GRIK4: variants seen among roughly 807,000 people sequenced by gnomAD.
The protein encoded by GRIK4 is glutamate receptor ionotropic, kainate 4.
A neutral mutation model predicts 104.9 loss-of-function variants in GRIK4; 40 were observed. The observed-to-expected ratio is 0.38, with a 90% CI of 0.30 to 0.50. The LOEUF (loss-of-function observed/expected upper bound fraction) is 0.50. Among genes scored for constraint, GRIK4 ranks in the 20% least tolerant of loss-of-function variants. The probability of loss-of-function intolerance (pLI) is 0.93; values close to 1 mark genes in which losing one functional copy is unlikely to be tolerated. For missense variants in GRIK4, 1,047 were observed against 1,308.1 expected, an observed-to-expected ratio of 0.80 and a Z score of 3.08; for synonymous variants, 485 against 524.9, an observed-to-expected ratio of 0.92 and a Z score of 1.04.
In GRIK4 at chr11:120,963,278, C is replaced by T. The variant is rs1389246098; in HGVS notation, c.2266+597C>T. Among the ~76,000 whole-genome samples the T allele has an allele frequency of 3.9e-5, 6 of 152,226 alleles. 1 individual carries two copies. In the East Asian group the frequency reaches 5.8e-4, roughly 15 times the overall value. ...GTGTTCAGCCTGCTGACTGTCAGCC[C>T]GTCTTGTTGTATTAATAGGAGGATA... On this transcript the variant is annotated intron_variant, in intron 18 of 20. Coordinates refer to ENST00000527524, the MANE Select transcript of GRIK4 (RefSeq NM_014619.5).
chr11:120,581,800 ATTTTTCTT>A (rs1948584141), intron 1 of GRIK4, among the ~76,000 whole-genome samples: 2 of 147,486 alleles, frequency 1.4e-5, no homozygotes, highest in Non-Finnish European at 1.5e-5. Context: ...TGAGTGGAAG[ATTTTTCTT>A]TTTTTCTTTT....
intron 13 of GRIK4, among the ~76,000 whole-genome samples, chr11:120,923,558 A>G (rs946700962): frequency 4.6e-5 from 7 of 151,650 alleles, no homozygotes; most frequent in South Asian, 2.1e-4. Flanking sequence ...GACTACAGGC[A>G]CCCACCACCA....
intron 3 of GRIK4, among the ~76,000 whole-genome samples, chr11:120,798,834 T>C (rs1726042191): frequency 6.6e-6 from 1 of 152,192 alleles, no homozygotes; most frequent in Non-Finnish European, 1.5e-5. Context: ...ATGACCTTAT[T>C]TAACCTTAGT....
Position 120,683,133 on chromosome 11 carries a change from C to T in GRIK4, c.82+22733C>T, listed in dbSNP as rs189999872. On this transcript the variant is annotated intron_variant, in intron 3 of 20. Transcript: ENST00000527524. ...CATTGACTAACACAGAGTGGACACT[C>T]CATAAACTGTTGCATGAACCGATAG... Among the ~76,000 whole-genome samples the T allele has an allele frequency of 2.6e-5, 4 of 152,198 alleles. No homozygotes were observed. The East Asian group carries it at 7.7e-4, about 29-fold the overall frequency.
chr11:120,669,274 A>G (rs973275466), intron 3 of GRIK4, among the ~76,000 whole-genome samples: 1 of 152,180 alleles, frequency 6.6e-6, no homozygotes, highest in Non-Finnish European at 1.5e-5. Context: ...GGCTAAGAGC[A>G]TCCTGAGGAG....
intron 1 of GRIK4, among the ~76,000 whole-genome samples, chr11:120,556,935 C>T (rs1268878112): frequency 2.6e-5 from 4 of 152,066 alleles, no homozygotes; most frequent in Non-Finnish European, 5.9e-5. Context: ...GGGTTCTGGC[C>T]TCCCTCCTGA....
At chr11:120,794,723 T>G (rs1318046523) in intron 3 of GRIK4, among the ~76,000 whole-genome samples, 1 of 152,064 alleles carries the variant, frequency 6.6e-6, no homozygotes, top group Non-Finnish European at 1.5e-5. Context: ...GAATTTTGGT[T>G]GTTTAAGCCT....
chr11:120,694,478 G>C lies in GRIK4; in HGVS notation c.82+34078G>C, dbSNP rs1399244142. Among the ~76,000 whole-genome samples, 7 of 152,204 alleles carry C rather than the reference G, an allele frequency of 4.6e-5. No homozygotes were observed. The South Asian group carries it at 1.2e-3, about 27-fold the overall frequency. ...CAACAGCAAAAAGTGAGCTGCTCTAGGAGGAGAATGACAAGAGATTGGAGG... is the reference window on the plus strand; with the variant it reads ...CAACAGCAAAAAGTGAGCTGCTCTACGAGGAGAATGACAAGAGATTGGAGG... On this transcript the variant is annotated intron_variant, in intron 3 of 20. Transcript: ENST00000527524.
intron 1 of GRIK4, among the ~76,000 whole-genome samples, chr11:120,562,198 CTG>C (rs996672666): frequency 5.3e-5 from 8 of 152,134 alleles, no homozygotes; most frequent in African/African-American, 1.9e-4. Flanking sequence ...AATAAGGAAA[CTG>C]TGATTCAGAG....
intron 3 of GRIK4, among the ~76,000 whole-genome samples, chr11:120,754,385 G>A (rs949132707): frequency 4.6e-5 from 7 of 152,212 alleles, no homozygotes; most frequent in Non-Finnish European, 7.3e-5. Flanking sequence ...ATGGCATAAT[G>A]TGTTCAAGGC....
chr11:120,807,739 G>T (rs767089123), intron 4 of GRIK4, among the ~76,000 whole-genome samples: 1 of 152,212 alleles, frequency 6.6e-6, no homozygotes, highest in East Asian at 1.9e-4. Flanking sequence ...TCCCCTTCTC[G>T]GAGCTACCCG....
At chr11:120,841,515 A>G (rs1412044318) in intron 8 of GRIK4, among the ~76,000 whole-genome samples, 3 of 152,192 alleles carry the variant, frequency 2.0e-5, no homozygotes, top group Non-Finnish European at 4.4e-5. Flanking sequence ...CCGTTCATTC[A>G]TCGATGGACA....
chr11:120,547,641 C>T (rs897535473), intron 1 of GRIK4, among the ~76,000 whole-genome samples: 1 of 151,318 alleles, frequency 6.6e-6, no homozygotes, highest in Non-Finnish European at 1.5e-5. Flanking sequence ...TCCATGGAAA[C>T]GTCTGACATG....
intron 1 of GRIK4, among the ~76,000 whole-genome samples, chr11:120,607,798 A>G (rs1948980757): frequency 1.3e-5 from 2 of 152,036 alleles, no homozygotes; most frequent in South Asian, 4.1e-4. Context: ...CAGATGAGAG[A>G]GGAAAGAGCT....
In GRIK4 at chr11:120,597,933, G is replaced by A. The variant is rs570557263; in HGVS notation, c.-158-55752G>A. On this transcript the variant is annotated intron_variant, in intron 1 of 20. Coordinates refer to ENST00000527524, the MANE Select transcript of GRIK4 (RefSeq NM_014619.5). ...ACTGCTTGATGGAATGAATAAAGAC[G>A]TCATGTTTTCTGCATTTTACTTAGA... Among the ~76,000 whole-genome samples the A allele has an allele frequency of 2.6e-5, 4 of 152,220 alleles. No homozygotes were observed. The South Asian group carries it at 6.2e-4, about 24-fold the overall frequency.
intron 3 of GRIK4, among the ~76,000 whole-genome samples, chr11:120,769,617 A>G (rs1377447792): frequency 6.6e-6 from 1 of 152,230 alleles, no homozygotes; most frequent in Non-Finnish European, 1.5e-5. Flanking sequence ...TACAAACAAA[A>G]AACAGGTGGC....
At chr11:120,570,165 C>CAT (rs79462190) in intron 1 of GRIK4, among the ~76,000 whole-genome samples, 76,078 of 151,916 alleles carry the variant, frequency 0.5, 19,847 homozygotes, top group African/African-American at 0.64. Context: ...CAGCTTGTCT[C>CAT]GTGGGGAACC....
In GRIK4 at chr11:120,956,996, G is replaced by A. The variant is rs1392378846; in HGVS notation, c.1874+43G>A. ...GGTGAACCAGGCCAGGTGGGGTGGG[G>A]ACACAAAAGGGGCCCTCTGATAAGC... On this transcript the variant is annotated intron_variant, in intron 16 of 20. Coordinates refer to ENST00000527524, the MANE Select transcript of GRIK4 (RefSeq NM_014619.5). This position sits in a 1 kb window ranked among gnomAD's most constrained non-coding sequence, Gnocchi z 4.6. 1.1e-5 allele frequency: 17 copies of A among 1,499,826 alleles called. No homozygotes were observed. Among genetic ancestry groups the A allele is most frequent in the Non-Finnish European group, 1.4e-5 (16 of 1,114,550 alleles). The allele number at this position is 1,499,826 out of a possible 1,614,324, so 92.9% of individuals were successfully genotyped here. A position where few individuals can be genotyped will look rare whatever the true frequency, so the allele number is the denominator to read the frequency against.
chr11:120,520,703 A>G (rs1195291687), intron 1 of GRIK4, among the ~76,000 whole-genome samples: 1 of 152,162 alleles, frequency 6.6e-6, no homozygotes, highest in Non-Finnish European at 1.5e-5. Context: ...ATAGCCGAGG[A>G]TTAGAAGGAG....
Sources: gnomAD v4.1 joint callset for allele counts (sites outside exome capture counted in the v4.1 genomes callset) on GRCh38, gnomAD v4.1.1 for gene constraint, Gnocchi (gnomAD v3.1) non-coding constraint, MANE v1.5 for transcripts, NCBI Gene and HGNC (gene_info 2026-07-23, HGNC 2026-07-21) for gene names.